Variants in UTRN observed in about 807,000 individuals in gnomAD.
UTRN encodes utrophin, also known as dystrophin-related protein 1.
A neutral mutation model predicts 463.9 loss-of-function variants in UTRN; 283 were observed. The ratio of observed to expected loss-of-function variants is 0.61; its 90% confidence interval spans 0.55 to 0.67. UTRN has a LOEUF of 0.67. UTRN is among the 30% of genes least tolerant of loss of function. The pLI is 0.00. For synonymous variants in UTRN, 1,442 were observed against 1,431.5 expected, an observed-to-expected ratio of 1.01 and a Z score of -0.17; for missense variants, 3,922 against 4,084.3, an observed-to-expected ratio of 0.96 and a Z score of 1.08.
chr6:144,718,343 C>T (rs1786733122), intron 53 of UTRN, among the ~76,000 whole-genome samples: 1 of 152,090 alleles, frequency 6.6e-6, no homozygotes, highest in South Asian at 2.1e-4. Context: ...TGGTGGCATG[C>T]AACTGTAGTT....
At chr6:144,626,637 T>C (rs1775970338) in intron 51 of UTRN, among the ~76,000 whole-genome samples, 2 of 152,190 alleles carry the variant, frequency 1.3e-5, no homozygotes, top group South Asian at 4.1e-4. Context: ...GTTTGTGTTG[T>C]GGCTTTTCTT....
chr6:144,296,307 G>A (rs934911900), intron 2 of UTRN, among the ~76,000 whole-genome samples: 1 of 152,230 alleles, frequency 6.6e-6, no homozygotes, highest in Non-Finnish European at 1.5e-5. Context: ...CCGCACATGC[G>A]AGGGATCTAG....
intron 69 of UTRN, among the ~76,000 whole-genome samples, chr6:144,834,469 T>A (rs1227437923): frequency 6.6e-6 from 1 of 152,220 alleles, no homozygotes; most frequent in Non-Finnish European, 1.5e-5. Flanking sequence ...CATCTAGCTC[T>A]CTGATCTCAA....
rs541830850 is a variant in UTRN, at chr6:144,836,203, G to C, written c.9825-98G>C. ...GCTATTAATACACATTTTTATATAAGAGGAACTAGCATGAGCTAAATTTGA... is the reference window on the plus strand; with the variant it reads ...GCTATTAATACACATTTTTATATAACAGGAACTAGCATGAGCTAAATTTGA... On this transcript the variant is annotated intron_variant, in intron 70 of 74. Coordinates refer to ENST00000367545, the MANE Select transcript of UTRN (RefSeq NM_007124.3). 1.9e-6 allele frequency: 3 copies of C among 1,551,306 alleles called. No homozygotes were observed. In the East Asian group the frequency reaches 6.8e-5, roughly 35 times the overall value.
chr6:144,485,586 G>A lies in UTRN; in HGVS notation c.3822+67G>A, dbSNP rs552179858. ...TGAGGCCACACGTGTATTACAATGA[G>A]GAATGTAATGCTTTACGCAGGCAAA... On this transcript the variant is annotated intron_variant, in intron 28 of 74. Transcript: ENST00000367545. 1.2e-5 allele frequency: 19 copies of A among 1,593,984 alleles called. No individual in the cohort carries two copies. In the East Asian group the frequency reaches 3.4e-4, roughly 28 times the overall value.
At chr6:144,394,365 G>A (rs542771513) in intron 2 of UTRN, among the ~76,000 whole-genome samples, 1 of 152,212 alleles carries the variant, frequency 6.6e-6, no homozygotes, top group East Asian at 1.9e-4. Context: ...AAGGAAAGGG[G>A]AAACCCCTTA....
At chr6:144,678,012 G>A (rs749639898) in intron 51 of UTRN, among the ~76,000 whole-genome samples, 1 of 152,092 alleles carries the variant, frequency 6.6e-6, no homozygotes, top group Non-Finnish European at 1.5e-5. Flanking sequence ...TTTGTCAGAT[G>A]GATAGATTGC....
intron 3 of UTRN, among the ~76,000 whole-genome samples, chr6:144,406,356 CTTTT>C (rs57721924): frequency 3.2e-5 from 4 of 125,558 alleles, no homozygotes; most frequent in African/African-American, 1.3e-4. Context: ...TTTTTCTTTT[CTTTT>C]TTTTTTTTTT....
In UTRN at chr6:144,461,264, T is replaced by G. The variant is rs772345199; in HGVS notation, c.2775T>G (p.Asp925Glu). 79 of 1,610,998 alleles carry G rather than the reference T, an allele frequency of 4.9e-5. No individual in the cohort carries two copies. Among genetic ancestry groups the G allele is most frequent in the Non-Finnish European group, 6.2e-5 (73 of 1,178,148 alleles). Reference protein sequence around the residue: ...TLKTLKDVLNDSENKAQVSLN... With the variant: ...TLKTLKDVLNESENKAQVSLN... ...AAACACTGAAAGATGTGCTAAATGA[T>G]TCAGAAAATAAGGCCCAGGTGTCTC... The change falls in exon 22 of 75, where the codon GAT (aspartate) becomes GAG (glutamate). Residue 925 changes from aspartate to glutamate, a missense_variant. By Grantham distance (45) the Asp-to-Glu change is conservative (BLOSUM62 2). Around this residue, in one of 3 missense-constraint regions of UTRN, gnomAD observed 2,349 missense variants for 2,303.8 expected, o/e 1.02. Transcript: ENST00000367545.
At chr6:144,641,065 C>T (rs1777710352) in intron 51 of UTRN, among the ~76,000 whole-genome samples, 1 of 152,080 alleles carries the variant, frequency 6.6e-6, no homozygotes, top group Non-Finnish European at 1.5e-5. Context: ...CCAAGAATAT[C>T]TGAGACAGTT....
At position 144,797,811 on chromosome 6, in the gene UTRN, CT is replaced by C. The variant is rs34001270; in HGVS notation, c.9079-7del. On this transcript the variant is annotated splice_polypyrimidine_tract_variant and intron_variant, in intron 63 of 74. Coordinates refer to ENST00000367545, the MANE Select transcript of UTRN (RefSeq NM_007124.3). ...GCATTTCTTCACTTTTAATATATTT[CT>C]TTTTTCACCAGAATAACAATAAACC... 6.2e-7 allele frequency: 1 copy of C among 1,610,302 alleles called. No individual in the cohort carries two copies. The highest frequency in any genetic ancestry group is 1.7e-5 in the Admixed American group (1 of 59,494).
At chr6:144,388,012 T>C (rs941030279) in intron 2 of UTRN, among the ~76,000 whole-genome samples, 5 of 152,192 alleles carry the variant, frequency 3.3e-5, no homozygotes, top group Non-Finnish European at 7.3e-5. Context: ...TGGAGAAAAA[T>C]ACACCTTTTA....
chr6:144,287,008 G>C (rs528884220), intron 1 of UTRN, among the ~76,000 whole-genome samples: 1 of 152,110 alleles, frequency 6.6e-6, no homozygotes, highest in African/African-American at 2.4e-5. Flanking sequence ...GGATTCCCTA[G>C]GTCTGAGCCG....
intron 61 of UTRN, among the ~76,000 whole-genome samples, chr6:144,782,606 C>T (rs1344789976): frequency 6.8e-6 from 1 of 147,754 alleles, no homozygotes; most frequent in East Asian, 2.0e-4. Flanking sequence ...GCTTTATTTG[C>T]ATAGTGGTTA....
intron 2 of UTRN, among the ~76,000 whole-genome samples, chr6:144,306,424 G>A (rs1805743931): frequency 6.6e-6 from 1 of 152,200 alleles, no homozygotes; most frequent in Admixed American, 6.5e-5. Flanking sequence ...GAGTTTAGAA[G>A]CTTTAGGTAG....
In UTRN at chr6:144,608,631, G is replaced by A. The variant is rs1022109721; in HGVS notation, c.7479+31343G>A. Among the ~76,000 whole-genome samples, 5 of 152,154 alleles carry A rather than the reference G, an allele frequency of 3.3e-5. No individual in the cohort carries two copies. In the East Asian group the frequency reaches 9.6e-4, roughly 29 times the overall value. ...TCCCTAGACCCATGGTTTCTACAGG[G>A]GGAAAAGTGAATTGGAGGAGGATAT... On this transcript the variant is annotated intron_variant, in intron 51 of 74. Transcript: ENST00000367545.
At chr6:144,700,624 A>AT (rs1784491332) in intron 53 of UTRN, among the ~76,000 whole-genome samples, 1 of 150,950 alleles carries the variant, frequency 6.6e-6, no homozygotes, top group Non-Finnish European at 1.5e-5. Context: ...CTGGAGTACA[A>AT]TGGCATGATC....
At chr6:144,664,659 A>G (rs953648472) in intron 51 of UTRN, among the ~76,000 whole-genome samples, 4 of 151,738 alleles carry the variant, frequency 2.6e-5, no homozygotes, top group Admixed American at 6.6e-5. Context: ...TACCACCTCT[A>G]TTGTCAGTCA....
chr6:144,339,256 C>T (rs1182015041), intron 2 of UTRN, among the ~76,000 whole-genome samples: 3 of 152,060 alleles, frequency 2.0e-5, no homozygotes, highest in Non-Finnish European at 1.5e-5. Context: ...ATGACACTGC[C>T]TCATTAACAC....
Sources: allele counts gnomAD v4.1 joint callset (sites outside exome capture counted in the v4.1 genomes callset), GRCh38; gene constraint gnomAD v4.1.1; regional missense constraint gnomAD v4.1.1; transcripts MANE v1.5; gene names NCBI Gene and HGNC (gene_info 2026-07-23, HGNC 2026-07-21).